DNAJC12: variants seen among roughly 807,000 people sequenced by gnomAD.
The protein encoded by DNAJC12 is DnaJ heat shock protein family (Hsp40) member C12.
In DNAJC12, 25 loss-of-function variants were observed where a neutral mutation model predicts 28.5. The ratio of observed to expected loss-of-function variants is 0.88; its 90% CI spans 0.64 to 1.22. The LOEUF (loss-of-function observed/expected upper bound fraction) is 1.22. Ranked by LOEUF, DNAJC12 falls within the 50% of genes most tolerant of loss-of-function variation. The pLI, the probability that DNAJC12 is intolerant of heterozygous loss-of-function variation, is 0.00. For synonymous variants in DNAJC12, 77 were observed against 80.6 expected (o/e 0.95, Z 0.24); for missense variants, 222 against 231.7 (o/e 0.96, Z 0.27).
chr10:67,800,676 C>T (rs979341979), intron 4 of DNAJC12, among the ~76,000 whole-genome samples: 4 of 151,978 alleles, frequency 2.6e-5, no homozygotes, highest in African/African-American at 7.3e-5. Context: ...TGGGACGCGG[C>T]GGCTCATGCC....
At chr10:67,806,722 G>A (rs1397788744) in intron 3 of DNAJC12, among the ~76,000 whole-genome samples, 1 of 151,888 alleles carries the variant, frequency 6.6e-6, no homozygotes, top group Non-Finnish European at 1.5e-5. Flanking sequence ...CTACTCAGGA[G>A]GCTGAGGCGG....
intron 4 of DNAJC12, among the ~76,000 whole-genome samples, chr10:67,797,896 C>T (rs936301894): frequency 2.6e-5 from 4 of 151,854 alleles, no homozygotes; most frequent in Non-Finnish European, 2.9e-5. Flanking sequence ...AAAAATTAGC[C>T]GGGCGTGGTG....
intron 1 of DNAJC12, 124 bp from the exon 2 acceptor site, chr10:67,823,516 C>G: frequency 1.4e-6 from 1 of 699,854 alleles, no homozygotes; most frequent in Admixed American, 2.4e-5. Context: ...GCCTGGACAA[C>G]AAAGCAAGAC....
At chr10:67,807,809 C>CA (rs1448949235) in intron 3 of DNAJC12, among the ~76,000 whole-genome samples, 1 of 152,160 alleles carries the variant, frequency 6.6e-6, no homozygotes, top group Non-Finnish European at 1.5e-5. Context: ...GTCTAATCCA[C>CA]AGTAAATGCT....
chr10:67,831,472 T>C (rs1416636999), intron 1 of DNAJC12, among the ~76,000 whole-genome samples: 1 of 152,224 alleles, frequency 6.6e-6, no homozygotes, highest in Non-Finnish European at 1.5e-5. Context: ...CAGTGTGCCA[T>C]GGAGACTAAT....
At chr10:67,801,836 CTTTTTTTTTTTTT>C (rs577511924) in intron 4 of DNAJC12, among the ~76,000 whole-genome samples, 10 of 26,136 alleles carry the variant, frequency 3.8e-4, no homozygotes, top group South Asian at 2.8e-3. Flanking sequence ...CCACTTCATT[CTTTTTTTTTTTTT>C]TTTTTTTTTT....
Position 67,809,043 on chromosome 10 carries a change from C to A in DNAJC12, c.297+2481G>T, listed in dbSNP as rs151203592. ...ATAGGTCCACACGAGGCTGACCCAA[C>A]AAGCCCTCCCAGAGGCAATCAATTT... is the stretch of plus-strand genomic sequence containing the variant. On this transcript the variant is annotated intron_variant, in intron 3 of 4. Transcript: ENST00000225171. Among the ~76,000 whole-genome samples the A allele has an allele frequency of 5.3e-3, 809 of 152,322 alleles. 7 individuals carry two copies. Among genetic ancestry groups the A allele is most frequent in the African/African-American group, 0.018 (766 of 41,566 alleles).
intron 4 of DNAJC12, among the ~76,000 whole-genome samples, chr10:67,799,640 G>A (rs757953532): frequency 1.3e-5 from 2 of 152,202 alleles, no homozygotes; most frequent in African/African-American, 2.4e-5. Flanking sequence ...ATCCCAGCAC[G>A]TTGGGAGGCC....
At chr10:67,828,650 T>TTAA (rs1842060564) in intron 1 of DNAJC12, among the ~76,000 whole-genome samples, 2 of 120,478 alleles carry the variant, frequency 1.7e-5, no homozygotes, top group Non-Finnish European at 3.6e-5. Flanking sequence ...TGTTAAATAT[T>TTAA]CTATTTTCTC....
chr10:67,823,140 A>C (rs2131807816), intron 2 of DNAJC12, among the ~76,000 whole-genome samples, 174 bp downstream of exon 2: 1 of 152,318 alleles, frequency 6.6e-6, no homozygotes, highest in Non-Finnish European at 1.5e-5. Flanking sequence ...AACGACTACT[A>C]TTAGAAAAGA....
chr10:67,832,318 T>G (rs1032296825), intron 1 of DNAJC12, among the ~76,000 whole-genome samples: 15 of 151,712 alleles, frequency 9.9e-5, no homozygotes, highest in African/African-American at 3.6e-4. Context: ...TAATACTGAT[T>G]TAATTGATAT....
chr10:67,832,835 A>G (rs1842106992), intron 1 of DNAJC12, among the ~76,000 whole-genome samples: 1 of 152,212 alleles, frequency 6.6e-6, no homozygotes, highest in Admixed American at 6.5e-5. Context: ...AACCTAGCAG[A>G]AGACACCTGA....
At chr10:67,836,781 T>C (rs1375843081) in intron 1 of DNAJC12, among the ~76,000 whole-genome samples, 1 of 152,056 alleles carries the variant, frequency 6.6e-6, no homozygotes, top group Non-Finnish European at 1.5e-5. Context: ...CATTCTATTC[T>C]TAAAACAAAA....
intron 1 of DNAJC12, chr10:67,833,703 T>G: frequency 2.8e-6 from 1 of 362,084 alleles, no homozygotes; most frequent in South Asian, 2.2e-5. Context: ...TTTTGGGCCA[T>G]GATCTCTGGG....
intron 3 of DNAJC12, 143 bp downstream of exon 3, chr10:67,811,381 G>T (rs980664824): frequency 1.3e-6 from 2 of 1,488,846 alleles, no homozygotes; most frequent in East Asian, 2.4e-5. Flanking sequence ...TGGGATTTAC[G>T]GACACTGAAT....
intron 1 of DNAJC12, chr10:67,827,727 C>T (rs1359694645): frequency 6.6e-6 from 1 of 151,878 alleles, no homozygotes; most frequent in African/African-American, 2.4e-5. Context: ...TACATGGAAG[C>T]AAATGTGTCA....
intron 3 of DNAJC12, 43 bp downstream of exon 3, chr10:67,811,481 C>T (rs200870727): frequency 1.7e-5 from 28 of 1,612,578 alleles, no homozygotes; most frequent in Non-Finnish European, 2.2e-5. Flanking sequence ...CCATGGGCAT[C>T]CTGAGCTTCA....
intron 1 of DNAJC12, among the ~76,000 whole-genome samples, chr10:67,826,787 C>T (rs1430073650): frequency 9.4e-6 from 1 of 106,190 alleles, no homozygotes; most frequent in African/African-American, 3.5e-5. Flanking sequence ...TAATATATAT[C>T]ATTAGATATC....
chr10:67,797,413 A>C (rs1170337617), intron 4 of DNAJC12, among the ~76,000 whole-genome samples: 2 of 152,212 alleles, frequency 1.3e-5, no homozygotes, highest in East Asian at 3.8e-4. Context: ...ATTTATATGG[A>C]TGATAAGACC....
Sources: allele counts gnomAD v4.1 joint callset (sites outside exome capture counted in the v4.1 genomes callset), GRCh38; gene constraint gnomAD v4.1.1; transcripts MANE v1.5; gene names NCBI Gene and HGNC (gene_info 2026-07-23, HGNC 2026-07-21).